Variants in USP34 observed in about 807,000 individuals in gnomAD.
The protein encoded by USP34 is ubiquitin carboxyl-terminal hydrolase 34.
Under a neutral mutation model 460.3 loss-of-function variants are expected in USP34, and 70 were observed. The ratio of observed to expected loss-of-function variants is 0.15; its 90% confidence interval spans 0.13 to 0.19. The LOEUF is 0.19. Ranked by LOEUF, USP34 falls within the 10% of genes least tolerant of loss-of-function variation. The probability of loss-of-function intolerance (pLI) is 1.00; values close to 1 mark genes in which losing one functional copy is unlikely to be tolerated. For synonymous variants in USP34, 1,647 were observed against 1,405.3 expected, an observed-to-expected ratio of 1.17 and a Z score of -3.85; for missense variants, 3,985 against 4,236.2, an observed-to-expected ratio of 0.94 and a Z score of 1.65.
At chr2:61,371,864 ATACACAAATATT>A (rs1188540107) in intron 8 of USP34, among the ~76,000 whole-genome samples, 2 of 152,118 alleles carry the variant, frequency 1.3e-5, no homozygotes, top group African/African-American at 4.8e-5. Flanking sequence ...ATATGTTTAG[ATACACAAATATT>A]TACAAAGTGT....
intron 1 of USP34, among the ~76,000 whole-genome samples, chr2:61,429,903 A>G (rs955019605): frequency 1.3e-5 from 2 of 151,750 alleles, no homozygotes; most frequent in Non-Finnish European, 2.9e-5. Flanking sequence ...CTCCACTAAA[A>G]TTTTGTATTT....
intron 15 of USP34, among the ~76,000 whole-genome samples, chr2:61,344,254 C>T (rs984393869): frequency 1.3e-5 from 2 of 152,136 alleles, no homozygotes; most frequent in East Asian, 1.9e-4. Context: ...CCTATTAAGA[C>T]ACCTCATTAA....
intron 1 of USP34, among the ~76,000 whole-genome samples, chr2:61,434,741 C>A (rs1303789071): frequency 1.3e-5 from 2 of 149,656 alleles, no homozygotes; most frequent in Admixed American, 6.7e-5. Flanking sequence ...AAGTCTTTCC[C>A]TATAAAATTT....
intron 50 of USP34, among the ~76,000 whole-genome samples, chr2:61,245,975 T>C (rs1220580265): frequency 6.6e-6 from 1 of 152,166 alleles, no homozygotes; most frequent in Non-Finnish European, 1.5e-5. Flanking sequence ...AAGCAGAGCA[T>C]GCAGGTAACT....
chr2:61,355,492 C>A (rs542420807), intron 10 of USP34, among the ~76,000 whole-genome samples: 87 of 152,228 alleles, frequency 5.7e-4, no homozygotes, highest in Non-Finnish European at 9.9e-4. Context: ...TTTTACATGG[C>A]ATTGAAGTTA....
At chr2:61,460,652 T>C (rs945852241) in intron 1 of USP34, among the ~76,000 whole-genome samples, 4 of 148,592 alleles carry the variant, frequency 2.7e-5, no homozygotes, top group African/African-American at 9.9e-5. Context: ...ATACCCTTTT[T>C]CTCCTCAAAA....
chr2:61,296,433 AAAAC>A (rs2103627298), intron 30 of USP34, among the ~76,000 whole-genome samples: 2 of 152,344 alleles, frequency 1.3e-5, no homozygotes, highest in Admixed American at 6.5e-5. Context: ...ATAAGCACAC[AAAAC>A]AAACACTGAT....
intron 5 of USP34, among the ~76,000 whole-genome samples, chr2:61,394,556 A>AAAAAAAAAAC (rs1693457752): frequency 6.6e-6 from 1 of 151,418 alleles, no homozygotes; most frequent in Non-Finnish European, 1.5e-5. Context: ...AAAAAAAAAA[A>AAAAAAAAAAC]AATAAGTTAA....
intron 67 of USP34, among the ~76,000 whole-genome samples, chr2:61,218,768 A>T (rs1256229774): frequency 6.6e-6 from 1 of 152,114 alleles, no homozygotes; most frequent in Non-Finnish European, 1.5e-5. Flanking sequence ...TCATGGTTAG[A>T]TTCAGGTTAT....
Position 61,301,175 on chromosome 2 carries a change from A to G in USP34, c.3919-15T>C, listed in dbSNP as rs760306077. On this transcript the variant is annotated splice_polypyrimidine_tract_variant and intron_variant, in intron 28 of 79. Coordinates refer to ENST00000398571, the MANE Select transcript of USP34 (RefSeq NM_014709.4). ...ACAAATACCATCTATAAAAAACAGG[A>G]AAAAAAATTTATGCATATCAAGCTT... 13 of 1,576,250 alleles carry G rather than the reference A, an allele frequency of 8.2e-6. No individual in the cohort carries two copies. The highest frequency in any genetic ancestry group is 2.2e-5 in the East Asian group (1 of 44,496).
intron 41 of USP34, among the ~76,000 whole-genome samples, chr2:61,269,381 G>T (rs1371137923): frequency 6.7e-6 from 1 of 148,814 alleles, no homozygotes; most frequent in Non-Finnish European, 1.5e-5. Flanking sequence ...ACCCAGGCTG[G>T]TCTCCAACTC....
rs11309952 is a variant in USP34 at position 61,189,259 on chromosome 2, G to GTT, written c.9874-192_9874-191dup. The GTT allele has an allele frequency of 9.3e-4, 398 of 427,364 alleles. 1 individual carries two copies. Among genetic ancestry groups the GTT allele is most frequent in the South Asian group, 2.5e-3 (49 of 19,832 alleles). The allele number at this position is 427,364 out of a possible 1,614,324, so 26.5% of individuals were successfully genotyped here. Reference sequence around the variant, plus strand: ...AAGATACTACAGCATTTCATTAGTTGTTTTTTTTTTTTGTTTTGTTTTTGT... The same window carrying GTT: ...AAGATACTACAGCATTTCATTAGTTGTTTTTTTTTTTTTTGTTTTGTTTTTGT... On this transcript the variant is annotated intron_variant, in intron 78 of 79. Coordinates refer to ENST00000398571, the MANE Select transcript of USP34 (RefSeq NM_014709.4).
At chr2:61,406,328 T>C (rs1693869628) in intron 2 of USP34, among the ~76,000 whole-genome samples, 200 bp from the exon 3 acceptor site, 1 of 152,164 alleles carries the variant, frequency 6.6e-6, no homozygotes, top group Non-Finnish European at 1.5e-5. Context: ...AGTCATCATG[T>C]TAGGTTTACA....
chr2:61,413,666 T>G (rs957039312), intron 2 of USP34, among the ~76,000 whole-genome samples: 11 of 104,792 alleles, frequency 1.0e-4, no homozygotes, highest in African/African-American at 4.1e-4. Context: ...CTCAAAAAAA[T>G]TAAAAAAATA....
chr2:61,351,213 T>C (rs1003252272), intron 10 of USP34, among the ~76,000 whole-genome samples: 1 of 152,184 alleles, frequency 6.6e-6, no homozygotes, highest in African/African-American at 2.4e-5. Context: ...AAAATACAAA[T>C]AAGACAATAA....
At chr2:61,270,000 A>G (rs1183302399) in intron 41 of USP34, among the ~76,000 whole-genome samples, 5 of 152,222 alleles carry the variant, frequency 3.3e-5, no homozygotes, top group African/African-American at 9.6e-5. Flanking sequence ...GCTACTGAGC[A>G]CTAGAATTTA....
At chr2:61,343,445 A>G (rs1400287114) in intron 16 of USP34, among the ~76,000 whole-genome samples, 1 of 152,220 alleles carries the variant, frequency 6.6e-6, no homozygotes, top group East Asian at 1.9e-4. Flanking sequence ...GACATATCAT[A>G]TAAATGGAAT....
intron 58 of USP34, among the ~76,000 whole-genome samples, chr2:61,231,593 T>C (rs1239734341): frequency 6.6e-6 from 1 of 151,980 alleles, no homozygotes; most frequent in Non-Finnish European, 1.5e-5. Context: ...TGTGTGCTTG[T>C]AGTTCCAGCT....
intron 67 of USP34, among the ~76,000 whole-genome samples, chr2:61,218,575 C>T (rs957119177): frequency 1.1e-4 from 16 of 151,230 alleles, no homozygotes; most frequent in African/African-American, 3.9e-4. Context: ...CCCTAATGTC[C>T]TTTTTTTTCC....
Sources: allele counts gnomAD v4.1 joint callset (sites outside exome capture counted in the v4.1 genomes callset), GRCh38; gene constraint gnomAD v4.1.1; transcripts MANE v1.5; gene names NCBI Gene and HGNC (gene_info 2026-07-23, HGNC 2026-07-21).